Variants in CRBN observed in about 807,000 individuals in gnomAD.
The protein encoded by CRBN is cereblon.
A neutral mutation model predicts 62.2 loss-of-function variants in CRBN; 53 were observed. That is an observed-to-expected ratio of 0.85 (90% confidence interval 0.68 to 1.07). The LOEUF (loss-of-function observed/expected upper bound fraction) is 1.07, where lower values mean the gene tolerates loss of function less well. Ranked by LOEUF, CRBN falls within the 50% of genes least tolerant of loss-of-function variation. The pLI, the probability that CRBN is intolerant of heterozygous loss-of-function variation, is 0.00. For synonymous variants in CRBN, 208 were observed against 176.1 expected (o/e 1.18, Z -1.43); for missense variants, 616 against 531.1 (o/e 1.16, Z -1.57).
At chr3:3,175,292 G>C in intron 1 of CRBN, 23 bp from the exon 2 acceptor site, 1 of 1,171,452 alleles carries the variant, frequency 8.5e-7, no homozygotes, top group South Asian at 1.5e-5. Context: ...AATATTGTAA[G>C]AAAAAAAAAA....
chr3:3,149,876 A>G (rs1706370006), downstream of CRBN: 1 of 152,088 alleles, frequency 6.6e-6, no homozygotes, highest in East Asian at 1.9e-4. Flanking sequence ...CAATAAAACG[A>G]AAGTTATCAT....
At chr3:3,153,927 CAT>C in intron 8 of CRBN, 31 bp downstream of exon 8, 1 of 1,326,814 alleles carries the variant, frequency 7.5e-7, no homozygotes, top group South Asian at 1.2e-5. Context: ...CTGAATAAAA[CAT>C]GGGCATCAAA....
chr3:3,170,934 T>G (rs1464528218), intron 4 of CRBN, among the ~76,000 whole-genome samples: 1 of 152,114 alleles, frequency 6.6e-6, no homozygotes, highest in African/African-American at 2.4e-5. Flanking sequence ...GCCTCCCTAG[T>G]AGCTGGGATT....
chr3:3,179,442 A>G (rs1401142047), intron 1 of CRBN, among the ~76,000 whole-genome samples, 179 bp downstream of exon 1: 2 of 152,116 alleles, frequency 1.3e-5, no homozygotes, highest in Admixed American at 6.5e-5. Flanking sequence ...GCAGCGAAGA[A>G]AGCGCCGCGA....
rs770018396 is a variant in CRBN, at chr3:3,150,972, C to A, written c.1222G>T (p.Asp408Tyr). 1 of 1,614,024 alleles carries A rather than the reference C, an allele frequency of 6.2e-7. No individual in the cohort carries two copies. Among genetic ancestry groups the A allele is most frequent in the Non-Finnish European group, 8.5e-7 (1 of 1,179,992 alleles). ...IGWKFTATKK[D>Y]MSPQKFWGLT... ...CCCCAAAATTTTTGAGGTGACATGTCTTTTTTGGTGGCCGTAAACTTCCAT... is the reference window on the plus strand; with the variant it reads ...CCCCAAAATTTTTGAGGTGACATGTATTTTTTGGTGGCCGTAAACTTCCAT... Residue 408 changes from aspartate (D) to tyrosine (Y), a missense_variant, in exon 11 of 11, where the codon GAC becomes TAC. Transcript: ENST00000231948.
chr3:3,150,991 C>T lies in CRBN; in HGVS notation c.1203G>A (p.Lys401=). ...ACATGTCTTTTTTGGTGGCCGTAAA[C>T]TTCCATCCAATATGGCTTGCACAGA... is the stretch of plus-strand genomic sequence containing the variant. ...CKICASHIGW[K]FTATKKDMSP... The change falls in exon 11 of 11, where the codon AAG becomes AAA. Residue 401 remains lysine, a synonymous_variant. Coordinates refer to ENST00000231948, the MANE Select transcript of CRBN (RefSeq NM_016302.4). 3 of 1,614,016 alleles carry T rather than the reference C, an allele frequency of 1.9e-6. No individual in the cohort carries two copies. The highest frequency in any genetic ancestry group is 2.5e-6 in the Non-Finnish European group (3 of 1,179,984).
chr3:3,174,265 T>G lies in CRBN; in HGVS notation c.175-4A>C. 6.3e-7 allele frequency: 1 copy of G among 1,585,438 alleles called. No individual in the cohort carries two copies. The stretch of plus-strand genomic sequence containing the variant: ...CTTCCATATCAGCACCTAGGTACTA[T>G]ATAAAAACATATATAGGTATAGTGT... On this transcript the variant is annotated splice_region_variant and splice_polypyrimidine_tract_variant and intron_variant, in intron 2 of 10. Transcript: ENST00000231948.
chr3:3,154,129 G>A, intron 7 of CRBN, 54 bp from the exon 8 acceptor site: 1 of 1,034,356 alleles, frequency 9.7e-7, no homozygotes, highest in African/African-American at 1.6e-5. Context: ...AAGCATCAGA[G>A]AACTTACAAA....
intron 5 of CRBN, among the ~76,000 whole-genome samples, chr3:3,165,445 T>C (rs1364689833): frequency 6.6e-6 from 1 of 152,172 alleles, no homozygotes; most frequent in Non-Finnish European, 1.5e-5. Flanking sequence ...GAAATTGCTG[T>C]AGTCACCCCA....
intron 4 of CRBN, among the ~76,000 whole-genome samples, chr3:3,170,246 G>A (rs1707549073): frequency 1.3e-5 from 2 of 152,154 alleles, no homozygotes; most frequent in African/African-American, 4.8e-5. Context: ...CTTCCAGAGG[G>A]CTGAAATTAC....
intron 7 of CRBN, 129 bp downstream of exon 7, chr3:3,154,618 T>C: frequency 7.5e-6 from 5 of 670,462 alleles, no homozygotes; most frequent in Non-Finnish European, 1.3e-5. Flanking sequence ...AAGGAAATTA[T>C]GCTTTTCAGA....
intron 1 of CRBN, among the ~76,000 whole-genome samples, chr3:3,179,098 G>A (rs1458643286): frequency 6.6e-6 from 1 of 152,110 alleles, no homozygotes. Context: ...GTGTGACCTT[G>A]GGCAAGTCAT....
chr3:3,157,014 TGTCA>T (rs369121296), intron 5 of CRBN, among the ~76,000 whole-genome samples: 1 of 152,334 alleles, frequency 6.6e-6, no homozygotes, highest in African/African-American at 2.4e-5. Flanking sequence ...ACTGTTAAGA[TGTCA>T]GTCCTCAAAT....
chr3:3,153,919 G>C, intron 8 of CRBN, 41 bp downstream of exon 8: 1 of 1,265,104 alleles, frequency 7.9e-7, no homozygotes, highest in Non-Finnish European at 1.2e-6. Flanking sequence ...TCTCCAGCCT[G>C]AATAAAACAT....
intron 4 of CRBN, among the ~76,000 whole-genome samples, chr3:3,168,904 C>T (rs1707467840): frequency 1.3e-5 from 2 of 152,108 alleles, no homozygotes; most frequent in African/African-American, 4.8e-5. Flanking sequence ...AAATTATGGT[C>T]AAGTGTTCTT....
intron 5 of CRBN, 23 bp from the exon 6 acceptor site, chr3:3,156,304 C>T: frequency 6.2e-7 from 1 of 1,600,366 alleles, no homozygotes; most frequent in Non-Finnish European, 8.6e-7. Flanking sequence ...CAAAAAGGCA[C>T]TTAAAAAACC....
At chr3:3,156,334 A>C (rs960694636) in intron 5 of CRBN, 53 bp from the exon 6 acceptor site, 1 of 1,466,880 alleles carries the variant, frequency 6.8e-7, no homozygotes, top group African/African-American at 1.4e-5. Flanking sequence ...AAAGATTCTA[A>C]TGCTGGAATG....
intron 9 of CRBN, chr3:3,152,793 A>C: frequency 1.7e-6 from 1 of 598,770 alleles, no homozygotes; most frequent in Non-Finnish European, 3.0e-6. Context: ...TAAATGTCTA[A>C]ATGTTTTCTG....
At chr3:3,158,117 GTT>G (rs1706980603) in intron 5 of CRBN, among the ~76,000 whole-genome samples, 1 of 152,194 alleles carries the variant, frequency 6.6e-6, no homozygotes, top group Admixed American at 6.5e-5. Flanking sequence ...GTGGAAAACA[GTT>G]TTTCCAAAGA....
Sources: gnomAD v4.1 joint callset for allele counts (sites outside exome capture counted in the v4.1 genomes callset) on GRCh38, gnomAD v4.1.1 for gene constraint, MANE v1.5 for transcripts, NCBI Gene and HGNC (gene_info 2026-07-23, HGNC 2026-07-21) for gene names.